Variants in HHLA2 observed in about 807,000 individuals in gnomAD.
The protein encoded by HHLA2 is HHLA2 member of B7 family, also known as HERV-H LTR-associating protein 2.
Under a neutral mutation model 45.9 loss-of-function variants are expected in HHLA2, and 48 were observed. That is an observed-to-expected ratio of 1.05 (90% CI 0.83 to 1.33). HHLA2 has a LOEUF of 1.33. Among genes scored for constraint, HHLA2 ranks in the 40% most tolerant of loss-of-function variants. HHLA2 has a pLI of 0.00. For missense variants in HHLA2, 462 were observed against 494.3 expected (o/e 0.93, Z 0.62); for synonymous variants, 161 against 173.9 (o/e 0.93, Z 0.59).
At chr3:108,370,057 C>G (rs556025641) in intron 8 of HHLA2, among the ~76,000 whole-genome samples, 2 of 152,190 alleles carry the variant, frequency 1.3e-5, no homozygotes, top group Non-Finnish European at 2.9e-5. Context: ...CTGGGGGGAA[C>G]CCCCAGTAGG....
chr3:108,343,776 A>G (rs2107429442), intron 3 of HHLA2, among the ~76,000 whole-genome samples: 1 of 152,328 alleles, frequency 6.6e-6, no homozygotes, highest in East Asian at 1.9e-4. Flanking sequence ...CTTACCACAC[A>G]ATAGATGTAT....
intron 3 of HHLA2, among the ~76,000 whole-genome samples, chr3:108,340,965 C>A (rs112475479): frequency 1.1e-5 from 1 of 94,618 alleles, no homozygotes; most frequent in Non-Finnish European, 2.0e-5. Flanking sequence ...TCTTTCTTTT[C>A]TTTCTTTCAT....
At chr3:108,298,472 C>G (rs778712570) in intron 1 of HHLA2, among the ~76,000 whole-genome samples, 2 of 152,226 alleles carry the variant, frequency 1.3e-5, no homozygotes, top group Non-Finnish European at 2.9e-5. Flanking sequence ...TTAGCCCCAA[C>G]TAAAGTTTCC....
chr3:108,376,667 G>A (rs2082281735), intron 10 of HHLA2, 110 bp downstream of exon 9: 2 of 884,036 alleles, frequency 2.3e-6, no homozygotes, highest in Admixed American at 2.7e-5. Context: ...CTTTTATACA[G>A]AAAAAAACAG....
intron 8 of HHLA2, among the ~76,000 whole-genome samples, chr3:108,371,478 T>C (rs1012142906): frequency 7.2e-5 from 11 of 152,136 alleles, no homozygotes; most frequent in African/African-American, 2.4e-4. Context: ...TATAACAATA[T>C]TAACCTTAAA....
intron 2 of HHLA2, chr3:108,326,936 C>T (rs2107364553): frequency 6.6e-6 from 1 of 152,318 alleles, no homozygotes; most frequent in South Asian, 2.1e-4. Flanking sequence ...TGAATTTGAG[C>T]TTCCACCTGG....
At chr3:108,355,148 G>T in exon 6 of HHLA2, 1 of 1,613,310 alleles carries the variant, frequency 6.2e-7, no homozygotes, top group African/African-American at 1.3e-5. Context: ...TATGAAAAGA[G>T]GAACACAAAC....
chr3:108,357,741 T>C lies in HHLA2; in HGVS notation c.686-103T>C, dbSNP rs140470259. On this transcript the variant is annotated intron_variant, in intron 6 of 10. Coordinates refer to ENST00000619531, the Ensembl canonical transcript of HHLA2. ...CTTTCCAAAAAGTTATTTCCAAATA[T>C]ATCAGTATTAGTGCCTTTGTTCTCT... The C allele has an allele frequency of 1.0e-3, 943 of 902,934 alleles. 17 individuals are homozygous for C. The East Asian group carries it at 0.02, about 20-fold the overall frequency. 55.9% of individuals were successfully genotyped at this position (902,934 alleles called of 1,614,324 possible).
chr3:108,303,999 G>A lies in HHLA2; in HGVS notation c.-191-6656G>A, dbSNP rs115448196. On this transcript the variant is annotated intron_variant, in intron 1 of 10. Transcript: ENST00000619531. ...ATAATTGAACTGACTCTCATTTTTGGACCTACTGAATATCACATTCCAATG... is the reference window on the plus strand; with the variant it reads ...ATAATTGAACTGACTCTCATTTTTGAACCTACTGAATATCACATTCCAATG... Among the ~76,000 whole-genome samples the A allele has an allele frequency of 7.4e-3, 1,131 of 152,238 alleles. 6 individuals carry two copies. Among genetic ancestry groups the A allele is most frequent in the Non-Finnish European group, 0.012 (842 of 68,022 alleles).
At chr3:108,318,328 C>G (rs1381925284) in intron 2 of HHLA2, among the ~76,000 whole-genome samples, 6 of 152,108 alleles carry the variant, frequency 3.9e-5, no homozygotes, top group Non-Finnish European at 8.8e-5. Context: ...TATAGCCAGT[C>G]ATCATCAATG....
chr3:108,370,181 G>A (rs1357481031), intron 8 of HHLA2, among the ~76,000 whole-genome samples: 1 of 152,188 alleles, frequency 6.6e-6, no homozygotes, highest in African/African-American at 2.4e-5. Flanking sequence ...AGCCACCACT[G>A]CTGATACCCA....
At chr3:108,368,460 T>C (rs1381654696) in intron 8 of HHLA2, among the ~76,000 whole-genome samples, 6 of 136,036 alleles carry the variant, frequency 4.4e-5, no homozygotes, top group African/African-American at 1.1e-4. Flanking sequence ...TATTCAGGAG[T>C]CCCATCTCAC....
At chr3:108,370,342 A>G (rs2082147938) in intron 8 of HHLA2, among the ~76,000 whole-genome samples, 1 of 152,210 alleles carries the variant, frequency 6.6e-6, no homozygotes, top group Admixed American at 6.5e-5. Context: ...ACCATCATCA[A>G]AGACCAAAGG....
chr3:108,304,575 T>A (rs2080898355), intron 1 of HHLA2, among the ~76,000 whole-genome samples: 1 of 152,180 alleles, frequency 6.6e-6, no homozygotes, highest in Non-Finnish European at 1.5e-5. Context: ...TCAAATAAGC[T>A]CCCATTCTGA....
At chr3:108,340,512 AG>A (rs2081546259) in intron 3 of HHLA2, among the ~76,000 whole-genome samples, 2 of 152,340 alleles carry the variant, frequency 1.3e-5, no homozygotes, top group East Asian at 1.9e-4. Context: ...AACCAAACAA[AG>A]GTTGACCTAC....
At chr3:108,371,534 T>C (rs1238923334) in intron 8 of HHLA2, among the ~76,000 whole-genome samples, 4 of 152,110 alleles carry the variant, frequency 2.6e-5, no homozygotes, top group Non-Finnish European at 4.4e-5. Flanking sequence ...GAGTGGCAAA[T>C]TGGATAAACA....
exon 4 of HHLA2, chr3:108,351,843 C>T (rs765363665): frequency 1.9e-6 from 3 of 1,612,678 alleles, no homozygotes; most frequent in African/African-American, 1.3e-5. Flanking sequence ...TGTCTTTCTT[C>T]CTCATTCTCA....
chr3:108,297,576 T>C (rs2107267825), intron 1 of HHLA2, among the ~76,000 whole-genome samples: 1 of 152,334 alleles, frequency 6.6e-6, no homozygotes. Context: ...GCAAAGTGCC[T>C]GGTATGTAGA....
At chr3:108,318,670 C>G (rs2081144868) in intron 2 of HHLA2, among the ~76,000 whole-genome samples, 1 of 152,140 alleles carries the variant, frequency 6.6e-6, no homozygotes, top group Admixed American at 6.5e-5. Context: ...AATCACAACT[C>G]TATCATGTAA....
Sources: gnomAD v4.1 joint callset for allele counts (sites outside exome capture counted in the v4.1 genomes callset) on GRCh38, gnomAD v4.1.1 for gene constraint, MANE v1.5 for transcripts, NCBI Gene and HGNC (gene_info 2026-07-23, HGNC 2026-07-21) for gene names.